CLIC4: variants seen among roughly 807,000 people sequenced by gnomAD.
The protein encoded by CLIC4 is CLIC family member 4.
Under a neutral mutation model 24.6 loss-of-function variants are expected in CLIC4, and 13 were observed. The ratio of observed to expected loss-of-function variants is 0.53; its 90% CI spans 0.34 to 0.84. CLIC4 has a LOEUF of 0.84. Ranked by LOEUF, CLIC4 falls within the 40% of genes least tolerant of loss-of-function variation. The probability of loss-of-function intolerance (pLI) is 0.01; values close to 1 mark genes in which losing one functional copy is unlikely to be tolerated. For synonymous variants in CLIC4, 104 were observed against 111.3 expected (o/e 0.93, Z 0.41); for missense variants, 227 against 301.7 (o/e 0.75, Z 1.83).
intron 3 of CLIC4, 114 bp from the exon 4 acceptor site, chr1:24,826,896 C>G (rs1262920863): frequency 1.6e-5 from 10 of 642,386 alleles, no homozygotes; most frequent in South Asian, 2.2e-5. Context: ...GATGGTATTT[C>G]TTATAGTAAT....
intron 1 of CLIC4, among the ~76,000 whole-genome samples, chr1:24,762,279 G>C (rs1414655219): frequency 6.6e-6 from 1 of 152,050 alleles, no homozygotes; most frequent in Non-Finnish European, 1.5e-5. Context: ...AAAATCAGCT[G>C]GGCGTGATGT....
chr1:24,802,531 A>G (rs1639502380), intron 2 of CLIC4, among the ~76,000 whole-genome samples: 3 of 152,050 alleles, frequency 2.0e-5, no homozygotes, highest in Admixed American at 1.3e-4. Flanking sequence ...TTGGTCTTTA[A>G]CAATCATAGG....
rs1300752996 is a variant in CLIC4 at position 24,844,140 on chromosome 1, A to G, written c.*3203A>G. Reference sequence around the variant, plus strand: ...TGAACAGAATTGGAGTATTTTCTTTATAATTTCTTGAACAGGCAAATGAAA... The same window carrying G: ...TGAACAGAATTGGAGTATTTTCTTTGTAATTTCTTGAACAGGCAAATGAAA... On this transcript the variant is annotated 3_prime_UTR_variant, in exon 6 of 6. Coordinates refer to ENST00000374379, the MANE Select transcript of CLIC4 (RefSeq NM_013943.3). 6.6e-6 allele frequency: 1 copy of G among 152,638 alleles called. No homozygotes were observed. Among genetic ancestry groups the G allele is most frequent in the African/African-American group, 2.4e-5 (1 of 41,466 alleles). The allele number at this position is 152,638 out of a possible 1,614,324, so 9.5% of individuals were successfully genotyped here.
intron 3 of CLIC4, among the ~76,000 whole-genome samples, chr1:24,815,300 C>T (rs1571258580): frequency 6.6e-6 from 1 of 151,940 alleles, no homozygotes; most frequent in East Asian, 1.9e-4. Context: ...GAGTTCGAGA[C>T]CAGTCTGACC....
At chr1:24,784,871 G>GC (rs1419141677) in intron 1 of CLIC4, among the ~76,000 whole-genome samples, 2 of 152,096 alleles carry the variant, frequency 1.3e-5, no homozygotes, top group East Asian at 3.9e-4. Context: ...GGGCATGGTG[G>GC]CGTGCATCTG....
intron 3 of CLIC4, among the ~76,000 whole-genome samples, chr1:24,817,222 T>C (rs973164804): frequency 6.6e-6 from 1 of 151,992 alleles, no homozygotes. Flanking sequence ...ATTTTCTAGA[T>C]AGATCATCAG....
intron 1 of CLIC4, among the ~76,000 whole-genome samples, chr1:24,778,474 G>A (rs1639166723): frequency 6.6e-6 from 1 of 152,090 alleles, no homozygotes; most frequent in Non-Finnish European, 1.5e-5. Flanking sequence ...TACTTATAGG[G>A]AATATAATCA....
At chr1:24,793,943 A>T (rs986912432) in intron 1 of CLIC4, among the ~76,000 whole-genome samples, 1 of 152,192 alleles carries the variant, frequency 6.6e-6, no homozygotes, top group East Asian at 1.9e-4. Context: ...GCATCTTTGA[A>T]TGACTTATTG....
intron 1 of CLIC4, among the ~76,000 whole-genome samples, chr1:24,769,944 C>T (rs971878367): frequency 6.6e-6 from 1 of 152,024 alleles, no homozygotes; most frequent in African/African-American, 2.4e-5. Flanking sequence ...GCCACCTTGA[C>T]CTCCTGGGCT....
intron 4 of CLIC4, among the ~76,000 whole-genome samples, chr1:24,830,139 C>T (rs886550371): frequency 1.3e-5 from 2 of 152,120 alleles, no homozygotes; most frequent in African/African-American, 4.8e-5. Flanking sequence ...ATACAAATAA[C>T]AGAGAATACA....
At chr1:24,808,750 C>T (rs1639582480) in intron 2 of CLIC4, among the ~76,000 whole-genome samples, 1 of 150,342 alleles carries the variant, frequency 6.7e-6, no homozygotes. Context: ...GATCTCGGCT[C>T]ACTGCAACCT....
Position 24,782,327 on chromosome 1 carries a change from T to G in CLIC4, c.73-15415T>G, listed in dbSNP as rs570622221. Among the ~76,000 whole-genome samples, 4 of 152,312 alleles carry G rather than the reference T, an allele frequency of 2.6e-5. No homozygotes were observed. The South Asian group carries it at 6.2e-4, about 24-fold the overall frequency. On this transcript the variant is annotated intron_variant, in intron 1 of 5. Transcript: ENST00000374379. ...TTTGTAGTAAGGTCATGGAGTATAT[T>G]TTGAGTTTCATTGTATTCTAAATTG... is the stretch of plus-strand genomic sequence containing the variant.
chr1:24,756,982 G>A (rs532819313), intron 1 of CLIC4, among the ~76,000 whole-genome samples: 1 of 151,800 alleles, frequency 6.6e-6, no homozygotes, highest in East Asian at 1.9e-4. Context: ...CGCAACCTCC[G>A]CCTCCTAGGT....
intron 1 of CLIC4, among the ~76,000 whole-genome samples, chr1:24,763,593 T>C (rs1638956966): frequency 6.6e-6 from 1 of 151,482 alleles, no homozygotes; most frequent in Admixed American, 6.6e-5. Context: ...TTCAAGTCTA[T>C]GACCTTCATA....
chr1:24,821,764 T>G (rs1056653025), intron 3 of CLIC4, among the ~76,000 whole-genome samples: 1 of 151,950 alleles, frequency 6.6e-6, no homozygotes, highest in Non-Finnish European at 1.5e-5. Flanking sequence ...TCAATTGGAG[T>G]CTGAGAACAG....
In CLIC4 at chr1:24,840,931, C is replaced by T; in HGVS notation, c.756C>T (p.Thr252=). 6.3e-7 allele frequency: 1 copy of T among 1,582,938 alleles called. No individual in the cohort carries two copies. The highest frequency in any genetic ancestry group is 2.3e-5 in the East Asian group (1 of 43,532). The change falls in exon 6 of 6, where the codon ACC becomes ACT. Residue 252 remains threonine, a synonymous_variant. Coordinates refer to ENST00000374379, the MANE Select transcript of CLIC4 (RefSeq NM_013943.3). ...IAYSDVAKRL[T]K ...ATAGTGATGTAGCCAAAAGACTCAC[C>T]AAGTAAAATCGCGTTTGTAAAAGAG...
Position 24,837,621 on chromosome 1 carries a change from T to C in CLIC4, c.416-2239T>C, listed in dbSNP as rs561050589. On this transcript the variant is annotated intron_variant, in intron 4 of 5. Coordinates refer to ENST00000374379, the MANE Select transcript of CLIC4 (RefSeq NM_013943.3). ...ATTTCAAGCCAATCTTTCTTTAATA[T>C]AGATGCAAAAGTCTGAAATAAAATA... Among the ~76,000 whole-genome samples, 31 of 152,294 alleles carry C rather than the reference T, an allele frequency of 2.0e-4. No homozygotes were observed. The East Asian group carries it at 2.7e-3, about 13-fold the overall frequency.
At chr1:24,835,361 G>A (rs949091034) in intron 4 of CLIC4, among the ~76,000 whole-genome samples, 3 of 152,164 alleles carry the variant, frequency 2.0e-5, no homozygotes, top group African/African-American at 4.8e-5. Flanking sequence ...CCAGGAGTTC[G>A]AGACCAGCCT....
intron 1 of CLIC4, among the ~76,000 whole-genome samples, chr1:24,786,451 G>C (rs1290704509): frequency 6.6e-6 from 1 of 152,052 alleles, no homozygotes. Flanking sequence ...AAGGGAAGAG[G>C]GTGAGGCTAG....
Sources: allele counts gnomAD v4.1 joint callset (sites outside exome capture counted in the v4.1 genomes callset), GRCh38; gene constraint gnomAD v4.1.1; transcripts MANE v1.5; gene names NCBI Gene and HGNC (gene_info 2026-07-23, HGNC 2026-07-21).